Variants in ADGRL3 observed in about 807,000 individuals in gnomAD.
The protein encoded by ADGRL3 is calcium-independent alpha-latrotoxin receptor 3.
In ADGRL3, 62 loss-of-function variants were observed where a neutral mutation model predicts 153.5. The ratio of observed to expected loss-of-function variants is 0.40; its 90% CI spans 0.33 to 0.50. The LOEUF (loss-of-function observed/expected upper bound fraction) is 0.50. Ranked by LOEUF, ADGRL3 falls within the 20% of genes least tolerant of loss-of-function variation. The pLI is 0.47. For missense variants in ADGRL3, 1,641 were observed against 1,859.4 expected, an observed-to-expected ratio of 0.88 and a Z score of 2.16; for synonymous variants, 710 against 672.5, an observed-to-expected ratio of 1.06 and a Z score of -0.86.
At chr4:61,245,243 G>A (rs1438874997) in intron 1 of ADGRL3, among the ~76,000 whole-genome samples, 1 of 152,046 alleles carries the variant, frequency 6.6e-6, no homozygotes, top group East Asian at 1.9e-4. Flanking sequence ...TTTAGCCTCA[G>A]CCGAACCTTG....
In ADGRL3 at chr4:62,070,863, C is replaced by T. The variant is rs934102865; in HGVS notation, c.4587C>T (p.Pro1529=). The T allele has an allele frequency of 1.3e-6, 2 of 1,551,228 alleles. No homozygotes were observed. Among genetic ancestry groups the T allele is most frequent in the Non-Finnish European group, 1.7e-6 (2 of 1,146,800 alleles). ...IVPPNKDGTP[P]EGSSKGPAHL... is the part of the protein sequence containing the mutation. ...CTCCAAACAAAGATGGGACCCCTCC[C>T]GAGGGAAGTTCAAAAGGACCGGCTC... Residue 1529 remains proline (P), a synonymous_variant, in exon 27 of 27, where the codon CCC becomes CCT. Coordinates refer to ENST00000683033, the MANE Select transcript of ADGRL3 (RefSeq NM_001387552.1).
At chr4:61,828,607 G>A (rs1317514645) in intron 9 of ADGRL3, among the ~76,000 whole-genome samples, 2 of 152,138 alleles carry the variant, frequency 1.3e-5, no homozygotes, top group African/African-American at 2.4e-5. Context: ...TTATAAAATC[G>A]ACCCAGCTGA....
Position 61,946,943 on chromosome 4 carries a change from A to G in ADGRL3, c.2449A>G (p.Asn817Asp). Residue 817 changes from asparagine (N) to aspartate (D), a missense_variant, in exon 16 of 27, where the codon AAC becomes GAC. Asn to Asp is a conservative substitution (Grantham distance 23, BLOSUM62 1). This residue lies in a region of ADGRL3 where 734 missense variants were observed against 797.0 expected (regional missense o/e 0.92). Transcript: ENST00000683033. ...GATCAGAGTGGCCTTTGTCCTGTAT[A>G]ACAACTTGGGTCCTTATTTATCCAC... Reference protein sequence around the residue: ...GEIRVAFVLYNNLGPYLSTEN... With the variant: ...GEIRVAFVLYDNLGPYLSTEN... 1 of 1,613,818 alleles carries G rather than the reference A, an allele frequency of 6.2e-7. No individual in the cohort carries two copies. The highest frequency in any genetic ancestry group is 8.5e-7 in the Non-Finnish European group (1 of 1,179,798).
intron 3 of ADGRL3, among the ~76,000 whole-genome samples, chr4:61,510,070 G>T (rs149584354): frequency 1.2e-4 from 19 of 152,234 alleles, no homozygotes; most frequent in African/African-American, 3.6e-4. Flanking sequence ...GTCTTCTTTT[G>T]CGAAGTGTTT....
At chr4:61,376,727 T>C (rs1370408550) in intron 1 of ADGRL3, among the ~76,000 whole-genome samples, 2 of 152,212 alleles carry the variant, frequency 1.3e-5, no homozygotes, top group Non-Finnish European at 2.9e-5. Flanking sequence ...TACAGCAGAA[T>C]GCTAGAACTC....
In ADGRL3 at chr4:61,200,501, G is replaced by GCGCCGCCGC. The variant is rs35918477; in HGVS notation, c.-1488_-1480dup. On this transcript the variant is annotated 5_prime_UTR_variant, in exon 1 of 27. Coordinates refer to ENST00000683033, the MANE Select transcript of ADGRL3 (RefSeq NM_001387552.1). ...CAGATGCTGCAGCTGGTCGGGGTGG[G>GCGCCGCCGC]CGCCGCCGCCGCCGCCGCCGCCGCT... Among the ~76,000 whole-genome samples the GCGCCGCCGC allele has an allele frequency of 1.0e-4, 15 of 150,410 alleles. No homozygotes were observed. Among genetic ancestry groups the GCGCCGCCGC allele is most frequent in the African/African-American group, 2.9e-4 (12 of 40,914 alleles).
chr4:61,378,561 G>T (rs1033282756), intron 1 of ADGRL3, among the ~76,000 whole-genome samples: 2 of 151,960 alleles, frequency 1.3e-5, no homozygotes, highest in African/African-American at 4.8e-5. Context: ...GTGTACAGGG[G>T]ATCACATTAG....
At chr4:61,676,787 C>G in intron 5 of ADGRL3, 39 bp from the exon 6 acceptor site, 1 of 1,328,778 alleles carries the variant, frequency 7.5e-7, no homozygotes, top group Non-Finnish European at 1.1e-6. Flanking sequence ...TTTAACTTTG[C>G]ATAAGCTTAC....
intron 2 of ADGRL3, among the ~76,000 whole-genome samples, chr4:61,467,205 A>G (rs1238701020): frequency 3.3e-5 from 5 of 152,258 alleles, no homozygotes; most frequent in African/African-American, 1.2e-4. Flanking sequence ...AAACATTAAA[A>G]TGTTAAGGCA....
intron 2 of ADGRL3, among the ~76,000 whole-genome samples, chr4:61,425,711 T>C (rs1398280929): frequency 3.3e-5 from 5 of 152,160 alleles, no homozygotes; most frequent in Non-Finnish European, 7.3e-5. Flanking sequence ...GGTACAGATG[T>C]CCCACAGAGG....
intron 2 of ADGRL3, among the ~76,000 whole-genome samples, chr4:61,471,669 G>A (rs893191192): frequency 6.6e-6 from 1 of 151,910 alleles, no homozygotes; most frequent in Non-Finnish European, 1.5e-5. Flanking sequence ...AAATGATCTG[G>A]AGTGCCATAC....
At chr4:61,768,245 G>A (rs561031653) in intron 8 of ADGRL3, among the ~76,000 whole-genome samples, 1 of 152,154 alleles carries the variant, frequency 6.6e-6, no homozygotes, top group Non-Finnish European at 1.5e-5. Flanking sequence ...GAAACTGTAA[G>A]CCAGACCAGG....
At chr4:61,699,947 T>TAC (rs563339719) in intron 6 of ADGRL3, among the ~76,000 whole-genome samples, 6,612 of 143,468 alleles carry the variant, frequency 0.046, 377 homozygotes, top group African/African-American at 0.14. Context: ...AACAAGGAGA[T>TAC]ACACACACAC....
chr4:61,299,736 T>C (rs1279347894), intron 1 of ADGRL3, among the ~76,000 whole-genome samples: 1 of 152,180 alleles, frequency 6.6e-6, no homozygotes, highest in African/African-American at 2.4e-5. Context: ...GGTAAGTATC[T>C]GAATGTAACT....
At chr4:61,325,031 A>G (rs945854954) in intron 1 of ADGRL3, among the ~76,000 whole-genome samples, 4 of 152,144 alleles carry the variant, frequency 2.6e-5, no homozygotes, top group Non-Finnish European at 5.9e-5. Context: ...AATAGCATGT[A>G]GGTCGGGCGC....
chr4:61,873,412 T>G (rs1043159663), intron 9 of ADGRL3, among the ~76,000 whole-genome samples: 11 of 152,232 alleles, frequency 7.2e-5, no homozygotes, highest in African/African-American at 2.7e-4. Context: ...TTTGCATTAG[T>G]TTCCTGATAT....
intron 1 of ADGRL3, among the ~76,000 whole-genome samples, chr4:61,345,973 A>G (rs1453790467): frequency 6.6e-6 from 1 of 152,128 alleles, no homozygotes; most frequent in Non-Finnish European, 1.5e-5. Context: ...GATAAGATTG[A>G]AGGGTTTTTA....
chr4:61,654,598 C>T (rs2094386827), intron 5 of ADGRL3, among the ~76,000 whole-genome samples: 1 of 151,712 alleles, frequency 6.6e-6, no homozygotes, highest in Non-Finnish European at 1.5e-5. Flanking sequence ...AATACCTGAG[C>T]CTACTTTTAA....
chr4:61,326,082 A>T (rs1365434743), intron 1 of ADGRL3, among the ~76,000 whole-genome samples: 1 of 152,170 alleles, frequency 6.6e-6, no homozygotes, highest in Non-Finnish European at 1.5e-5. Flanking sequence ...ATTTTAACTC[A>T]AATAAAATCT....
Sources: gnomAD v4.1 joint callset for allele counts (sites outside exome capture counted in the v4.1 genomes callset) on GRCh38, gnomAD v4.1.1 for gene constraint, gnomAD v4.1.1 regional missense constraint, MANE v1.5 for transcripts, NCBI Gene and HGNC (gene_info 2026-07-23, HGNC 2026-07-21) for gene names.